The following RBFOX1 variants were observed in gnomAD, a reference collection of about 807,000 sequenced individuals.
RBFOX1 encodes the protein RNA binding protein fox-1 homolog 1.
In RBFOX1, 8 loss-of-function variants were observed where a neutral mutation model predicts 57.7. The ratio of observed to expected loss-of-function variants is 0.14; its 90% CI spans 0.08 to 0.25. The LOEUF (loss-of-function observed/expected upper bound fraction) is 0.25. Ranked by LOEUF, RBFOX1 falls within the 10% of genes least tolerant of loss-of-function variation. The pLI, the probability that RBFOX1 is intolerant of heterozygous loss-of-function variation, is 1.00. For synonymous variants in RBFOX1, 326 were observed against 222.4 expected (o/e 1.47, Z -4.15); for missense variants, 611 against 548.5 (o/e 1.11, Z -1.14).
Position 5,262,236 on chromosome 16 carries a change from A to G in RBFOX1, c.219+22131A>G, listed in dbSNP as rs568162410. Among the ~76,000 whole-genome samples, 198 of 152,306 alleles carry G rather than the reference A, an allele frequency of 1.3e-3. 1 individual carries two copies. Among genetic ancestry groups the G allele is most frequent in the African/African-American group, 4.5e-3 (186 of 41,564 alleles). On this transcript the variant is annotated intron_variant, in intron 1 of 2. Coordinates refer to the RBFOX1 transcript ENST00000585867. ...GAAGCAAGACATGATGGTTAGTGTTATGTATCAATTTGACTGGGTTGTGGG... is the reference window on the plus strand; with the variant it reads ...GAAGCAAGACATGATGGTTAGTGTTGTGTATCAATTTGACTGGGTTGTGGG...
intron 2 of RBFOX1, among the ~76,000 whole-genome samples, chr16:6,475,865 A>G (rs534919141): frequency 4.3e-4 from 65 of 152,330 alleles, no homozygotes; most frequent in African/African-American, 1.5e-3. Flanking sequence ...CAGAAAGGAT[A>G]ATCTACGTCG....
At chr16:5,409,095 T>A (rs1207742607) in intron 1 of RBFOX1, among the ~76,000 whole-genome samples, 1 of 152,166 alleles carries the variant, frequency 6.6e-6, no homozygotes, top group African/African-American at 2.4e-5. Flanking sequence ...GTGGGCATAA[T>A]TTCTGCAGGG....
At chr16:5,700,544 T>C (rs2051011237) in intron 3 of RBFOX1, among the ~76,000 whole-genome samples, 1 of 152,214 alleles carries the variant, frequency 6.6e-6, no homozygotes, top group African/African-American at 2.4e-5. Context: ...ATTCTTTTGG[T>C]TATGCAGTTT....
intron 3 of RBFOX1, among the ~76,000 whole-genome samples, chr16:6,974,365 G>C (rs918681015): frequency 1.5e-5 from 1 of 64,582 alleles, no homozygotes; most frequent in Admixed American, 2.2e-4. Flanking sequence ...TTTTTTTTGC[G>C]ATAGAGTCTT....
intron 5 of RBFOX1, among the ~76,000 whole-genome samples, chr16:7,546,518 G>C (rs928646305): frequency 1.3e-5 from 2 of 152,060 alleles, no homozygotes; most frequent in East Asian, 3.8e-4. Context: ...AATAAGCATA[G>C]TTATTTCATC....
chr16:6,360,106 A>T (rs1296646261), intron 2 of RBFOX1, among the ~76,000 whole-genome samples: 1 of 152,196 alleles, frequency 6.6e-6, no homozygotes, highest in Non-Finnish European at 1.5e-5. Context: ...CCATGGCTTT[A>T]TGAACTATTT....
intron 4 of RBFOX1, among the ~76,000 whole-genome samples, chr16:7,106,595 C>G (rs897253870): frequency 1.3e-5 from 2 of 151,976 alleles, no homozygotes; most frequent in South Asian, 4.1e-4. Context: ...TTTTAGATAT[C>G]TGTCTATCTC....
chr16:5,366,106 G>C (rs1325613443), intron 1 of RBFOX1: 4 of 464,394 alleles, frequency 8.6e-6, no homozygotes, highest in Non-Finnish European at 1.7e-5. Context: ...TTGAAGTGTG[G>C]TTCAGGGCGA....
intron 3 of RBFOX1, among the ~76,000 whole-genome samples, chr16:7,036,976 G>C (rs1193188019): frequency 6.6e-6 from 1 of 152,072 alleles, no homozygotes; most frequent in Non-Finnish European, 1.5e-5. Flanking sequence ...GATCATACAG[G>C]GTAACTTCCT....
chr16:6,423,205 T>C (rs2093825554), intron 2 of RBFOX1, among the ~76,000 whole-genome samples: 1 of 152,216 alleles, frequency 6.6e-6, no homozygotes, highest in Admixed American at 6.5e-5. Context: ...AACAATACAG[T>C]GTTTGTTGTA....
intron 1 of RBFOX1, among the ~76,000 whole-genome samples, chr16:6,184,018 C>T (rs116716363): frequency 0.01 from 1,572 of 152,192 alleles, 29 homozygotes; most frequent in African/African-American, 0.036. Context: ...CTGGGGAGAC[C>T]GCACAATCGT....
intron 2 of RBFOX1, among the ~76,000 whole-genome samples, chr16:6,398,390 C>G (rs1194906591): frequency 2.6e-5 from 4 of 152,094 alleles, no homozygotes; most frequent in Admixed American, 2.6e-4. Context: ...CTTCTTCCAC[C>G]ATTAACCCAA....
chr16:6,872,105 T>C (rs1413757003), intron 3 of RBFOX1, among the ~76,000 whole-genome samples: 1 of 152,156 alleles, frequency 6.6e-6, no homozygotes, highest in Admixed American at 6.5e-5. Context: ...ATTGTAATGG[T>C]ACCTGTTATG....
intron 2 of RBFOX1, among the ~76,000 whole-genome samples, chr16:5,524,686 G>T (rs143707992): frequency 2.6e-5 from 4 of 151,820 alleles, no homozygotes; most frequent in Admixed American, 2.0e-4. Context: ...GATTACAGAC[G>T]CATGCCACCG....
chr16:6,005,596 T>C (rs2060679344), intron 4 of RBFOX1, among the ~76,000 whole-genome samples: 1 of 152,186 alleles, frequency 6.6e-6, no homozygotes, highest in African/African-American at 2.4e-5. Context: ...TTGCAGGATA[T>C]TAAACAGCCT....
At chr16:6,750,032 T>A (rs745758871) in intron 3 of RBFOX1, among the ~76,000 whole-genome samples, 36 of 152,140 alleles carry the variant, frequency 2.4e-4, no homozygotes, top group Non-Finnish European at 4.9e-4. Context: ...AAAGTCATCT[T>A]TGAAATTGAT....
chr16:7,603,424 A>G (rs967413689), intron 9 of RBFOX1, among the ~76,000 whole-genome samples: 17 of 152,340 alleles, frequency 1.1e-4, no homozygotes, highest in African/African-American at 3.6e-4. Context: ...ATAAAAGACA[A>G]GAGCAAGCAA....
intron 4 of RBFOX1, among the ~76,000 whole-genome samples, chr16:7,069,436 G>C (rs1409471620): frequency 3.3e-5 from 5 of 152,176 alleles, no homozygotes; most frequent in Admixed American, 1.3e-4. Flanking sequence ...TTACAAGTGA[G>C]AGCATGCGGT....
intron 3 of RBFOX1, among the ~76,000 whole-genome samples, chr16:5,764,455 T>C (rs1190642569): frequency 6.6e-6 from 1 of 152,224 alleles, no homozygotes; most frequent in Admixed American, 6.5e-5. Context: ...ATTCTTATTA[T>C]TTATACTTTA....
Sources: gnomAD v4.1 joint callset for allele counts (sites outside exome capture counted in the v4.1 genomes callset) on GRCh38, gnomAD v4.1.1 for gene constraint, MANE v1.5 for transcripts, NCBI Gene and HGNC (gene_info 2026-07-23, HGNC 2026-07-21) for gene names.